Variants in DPP10 observed in about 807,000 individuals in gnomAD.
The protein encoded by DPP10 is inactive dipeptidyl peptidase 10.
DPP10 carries 33 observed loss-of-function variants against 120.9 expected under a neutral mutation model. The observed-to-expected ratio is 0.27, with a 90% CI of 0.21 to 0.37. The LOEUF is 0.37. Ranked by LOEUF, DPP10 falls within the 10% of genes least tolerant of loss-of-function variation. The probability of loss-of-function intolerance (pLI) is 1.00; values close to 1 mark genes in which losing one functional copy is unlikely to be tolerated. For missense variants in DPP10, 816 were observed against 942.8 expected, an observed-to-expected ratio of 0.87 and a Z score of 1.76; for synonymous variants, 337 against 326.1, an observed-to-expected ratio of 1.03 and a Z score of -0.36.
chr2:115,009,285 T>C (rs1444363382), intron 1 of DPP10, among the ~76,000 whole-genome samples: 1 of 151,826 alleles, frequency 6.6e-6, no homozygotes, highest in Non-Finnish European at 1.5e-5. Flanking sequence ...TGTAGGGACA[T>C]GGATGAAATT....
At chr2:114,861,429 C>T (rs559609499) in intron 1 of DPP10, among the ~76,000 whole-genome samples, 1 of 152,312 alleles carries the variant, frequency 6.6e-6, no homozygotes, top group African/African-American at 2.4e-5. Context: ...GAGTATCATT[C>T]TCAACTGAAT....
intron 1 of DPP10, among the ~76,000 whole-genome samples, chr2:115,293,133 G>A (rs1312039207): frequency 6.6e-6 from 1 of 151,364 alleles, no homozygotes; most frequent in East Asian, 2.1e-4. Flanking sequence ...AGTGCCAAAG[G>A]ATAAATTGAT....
chr2:114,765,745 C>G (rs191387914), intron 1 of DPP10, among the ~76,000 whole-genome samples: 2 of 152,256 alleles, frequency 1.3e-5, no homozygotes, highest in East Asian at 3.9e-4. Flanking sequence ...TTATTGCTAT[C>G]AGTGCTGAGA....
chr2:114,769,840 C>T (rs923105538), intron 1 of DPP10, among the ~76,000 whole-genome samples: 4 of 151,992 alleles, frequency 2.6e-5, no homozygotes, highest in African/African-American at 9.7e-5. Flanking sequence ...AAGTTTATAC[C>T]CAAAGACATT....
At position 114,641,517 on chromosome 2, in the gene DPP10, C is replaced by T. The variant is rs1022701862; in HGVS notation, c.60+198679C>T. Among the ~76,000 whole-genome samples the T allele has an allele frequency of 6.2e-4, 94 of 152,068 alleles. 2 individuals carry two copies. Among genetic ancestry groups the T allele is most frequent in the Admixed American group, 1.7e-3 (26 of 15,292 alleles). On this transcript the variant is annotated intron_variant, in intron 1 of 25. Transcript: ENST00000410059. ...GCTGCCAAAGTGAGCACTGCCTTTA[C>T]GTATGATAGAAAATACAATTATACA...
At chr2:114,788,009 A>G (rs1682905200) in intron 1 of DPP10, among the ~76,000 whole-genome samples, 1 of 152,338 alleles carries the variant, frequency 6.6e-6, no homozygotes, top group South Asian at 2.1e-4. Context: ...GACTTTTCTA[A>G]TAACACATAT....
At chr2:114,640,526 C>G (rs1013087558) in intron 1 of DPP10, among the ~76,000 whole-genome samples, 1 of 151,448 alleles carries the variant, frequency 6.6e-6, no homozygotes, top group Non-Finnish European at 1.5e-5. Flanking sequence ...AGAGAGGATA[C>G]ACCTCGTCAT....
chr2:115,045,079 C>T (rs1157152290), intron 1 of DPP10, among the ~76,000 whole-genome samples: 1 of 152,162 alleles, frequency 6.6e-6, no homozygotes, highest in Non-Finnish European at 1.5e-5. Context: ...GCAATAAATA[C>T]AGAGTGCAGA....
At chr2:115,424,299 C>T (rs1021969158) in intron 3 of DPP10, among the ~76,000 whole-genome samples, 1 of 151,952 alleles carries the variant, frequency 6.6e-6, no homozygotes, top group Non-Finnish European at 1.5e-5. Flanking sequence ...CCAGAACTTA[C>T]TATTTTTCCT....
chr2:115,068,464 G>T (rs1176353100), intron 1 of DPP10, among the ~76,000 whole-genome samples: 2 of 151,798 alleles, frequency 1.3e-5, no homozygotes, highest in Non-Finnish European at 2.9e-5. Context: ...ATATGTTTTG[G>T]ATATTAATCT....
At chr2:114,926,547 C>T (rs1436144322) in intron 1 of DPP10, among the ~76,000 whole-genome samples, 2 of 152,150 alleles carry the variant, frequency 1.3e-5, no homozygotes, top group Non-Finnish European at 2.9e-5. Flanking sequence ...CCTGAATTTC[C>T]GTAGTGGAGA....
At chr2:114,722,270 A>G (rs868287603) in intron 1 of DPP10, among the ~76,000 whole-genome samples, 1 of 152,200 alleles carries the variant, frequency 6.6e-6, no homozygotes, top group Admixed American at 6.5e-5. Context: ...GACTAGCACT[A>G]CACTATTTTT....
rs115305881 is a variant in DPP10 at position 115,043,151 on chromosome 2, G to A, written c.61-266088G>A. The stretch of plus-strand genomic sequence containing the variant: ...ATGAGAGCCAAACTATTTTTTTAGA[G>A]CCTCTGACTGATACTTCATGTGCTA... On this transcript the variant is annotated intron_variant, in intron 1 of 25. Transcript: ENST00000410059. Among the ~76,000 whole-genome samples, 1,052 of 152,066 alleles carry A rather than the reference G, an allele frequency of 6.9e-3. 7 individuals carry two copies. The highest frequency in any genetic ancestry group is 0.024 in the African/African-American group (1,009 of 41,492).
intron 3 of DPP10, among the ~76,000 whole-genome samples, chr2:115,380,840 G>A (rs1195391205): frequency 1.3e-5 from 2 of 151,998 alleles, no homozygotes; most frequent in African/African-American, 4.8e-5. Flanking sequence ...ATGAAATTCT[G>A]GGTTGAAAAT....
At chr2:115,035,730 A>G (rs1704185079) in intron 1 of DPP10, among the ~76,000 whole-genome samples, 1 of 152,206 alleles carries the variant, frequency 6.6e-6, no homozygotes, top group Non-Finnish European at 1.5e-5. Flanking sequence ...CCTTACCTGT[A>G]AAATGCTGAA....
In DPP10 at chr2:115,645,077, C is replaced by T. The variant is rs2087121150; in HGVS notation, c.442-44610C>T. On this transcript the variant is annotated intron_variant, in intron 5 of 25. Coordinates refer to ENST00000410059, the MANE Select transcript of DPP10 (RefSeq NM_020868.6). ...CAGTGCTGTCTCCTATTATTTTAAG[C>T]ATTCACCTTAATGATACCATGAAAA... is the stretch of plus-strand genomic sequence containing the variant. Among the ~76,000 whole-genome samples, 3 of 152,194 alleles carry T rather than the reference C, an allele frequency of 2.0e-5. 1 individual carries two copies. Among genetic ancestry groups the T allele is most frequent in the African/African-American group, 7.2e-5 (3 of 41,534 alleles).
chr2:114,723,061 T>A (rs984448079), intron 1 of DPP10, among the ~76,000 whole-genome samples: 9 of 152,080 alleles, frequency 5.9e-5, no homozygotes, highest in Non-Finnish European at 1.3e-4. Context: ...GAGATGGAGG[T>A]GGGAAGTCAG....
intron 1 of DPP10, among the ~76,000 whole-genome samples, chr2:114,826,914 G>A (rs1004641087): frequency 6.6e-6 from 1 of 152,160 alleles, no homozygotes; most frequent in Non-Finnish European, 1.5e-5. Context: ...ATGATCTAAT[G>A]GTAATGAACT....
intron 1 of DPP10, among the ~76,000 whole-genome samples, chr2:114,563,227 C>A (rs1200003683): frequency 6.6e-6 from 1 of 152,158 alleles, no homozygotes; most frequent in Non-Finnish European, 1.5e-5. Flanking sequence ...CAAAAATTAG[C>A]TGGACATGGT....
Sources: gnomAD v4.1 joint callset for allele counts (sites outside exome capture counted in the v4.1 genomes callset) on GRCh38, gnomAD v4.1.1 for gene constraint, MANE v1.5 for transcripts, NCBI Gene and HGNC (gene_info 2026-07-23, HGNC 2026-07-21) for gene names.